PDE10A: variants seen among roughly 807,000 people sequenced by gnomAD.
The protein encoded by PDE10A is phosphodiesterase 10A.
In PDE10A, 39 loss-of-function variants were observed where a neutral mutation model predicts 97.7. The ratio of observed to expected loss-of-function variants is 0.40; its 90% CI spans 0.31 to 0.52. The LOEUF (loss-of-function observed/expected upper bound fraction) is 0.52, where lower values mean the gene tolerates loss of function less well. Among genes scored for constraint, PDE10A ranks in the 20% least tolerant of loss-of-function variants. The pLI is 0.56. For missense variants in PDE10A, 731 were observed against 1,047.8 expected (o/e 0.70, Z 4.17); for synonymous variants, 371 against 376.8 (o/e 0.98, Z 0.18).
chr6:165,726,984 C>G (rs1792314197), intron 1 of PDE10A, among the ~76,000 whole-genome samples: 1 of 152,208 alleles, frequency 6.6e-6, no homozygotes, highest in Non-Finnish European at 1.5e-5. Context: ...ACCACAGAAA[C>G]GCCCCCGTGT....
chr6:165,473,893 A>C (rs1779151183), intron 3 of PDE10A, among the ~76,000 whole-genome samples: 1 of 152,248 alleles, frequency 6.6e-6, no homozygotes, highest in African/African-American at 2.4e-5. Flanking sequence ...GTGGTTTAAC[A>C]ATTTCCACAA....
At chr6:165,594,420 C>T (rs1291307599) in intron 1 of PDE10A, among the ~76,000 whole-genome samples, 1 of 151,504 alleles carries the variant, frequency 6.6e-6, no homozygotes, top group Non-Finnish European at 1.5e-5. Flanking sequence ...ACATTAAGTA[C>T]AAAAAAGAAT....
chr6:165,385,261 T>C (rs1785225310), intron 17 of PDE10A, among the ~76,000 whole-genome samples: 1 of 151,932 alleles, frequency 6.6e-6, no homozygotes, highest in East Asian at 1.9e-4. Flanking sequence ...CATTCCTGGG[T>C]CAATGAGATT....
chr6:165,639,824 T>G (rs555207401), intron 1 of PDE10A, among the ~76,000 whole-genome samples: 1 of 151,858 alleles, frequency 6.6e-6, no homozygotes, highest in African/African-American at 2.4e-5. Context: ...TCCCAACACT[T>G]TGGGAGGCCA....
chr6:165,640,413 A>G (rs1018558139), intron 1 of PDE10A, among the ~76,000 whole-genome samples: 2 of 152,206 alleles, frequency 1.3e-5, no homozygotes, highest in Admixed American at 1.3e-4. Flanking sequence ...AAAAGTAAAA[A>G]TTTCATGTTA....
intron 1 of PDE10A, among the ~76,000 whole-genome samples, chr6:165,953,357 G>A (rs757540334): frequency 9.8e-5 from 15 of 152,286 alleles, no homozygotes; most frequent in Non-Finnish European, 1.9e-4. Flanking sequence ...TTGGGAGGCC[G>A]AGGCGGGCGA....
chr6:165,504,778 G>A lies in PDE10A; in HGVS notation c.995-22435C>T, dbSNP rs536051715. Among the ~76,000 whole-genome samples the A allele has an allele frequency of 3.3e-5, 5 of 152,294 alleles. No homozygotes were observed. The East Asian group carries it at 9.6e-4, about 29-fold the overall frequency. On this transcript the variant is annotated intron_variant, in intron 2 of 21. Transcript: ENST00000539869. ...ATAGATTAAAAGAAATATGGTGGCA[G>A]ATATCATAATTGGCTTAACATAAAT...
intron 1 of PDE10A, among the ~76,000 whole-genome samples, chr6:165,902,108 G>T (rs916780174): frequency 1.3e-5 from 2 of 152,150 alleles, no homozygotes; most frequent in African/African-American, 4.8e-5. Context: ...ATATGTATAT[G>T]CAATCTATAC....
At chr6:165,851,739 C>T (rs1780578715) in intron 1 of PDE10A, among the ~76,000 whole-genome samples, 1 of 151,984 alleles carries the variant, frequency 6.6e-6, no homozygotes, top group Non-Finnish European at 1.5e-5. Context: ...TGAACAAAAG[C>T]CTTGGGTCAG....
At chr6:165,797,218 T>G (rs548581402) in intron 1 of PDE10A, among the ~76,000 whole-genome samples, 1 of 152,316 alleles carries the variant, frequency 6.6e-6, no homozygotes, top group African/African-American at 2.4e-5. Flanking sequence ...GACATACTAC[T>G]GAGATGCTAA....
At chr6:165,379,967 G>A (rs922877946) in intron 17 of PDE10A, among the ~76,000 whole-genome samples, 2 of 152,144 alleles carry the variant, frequency 1.3e-5, no homozygotes, top group East Asian at 1.9e-4. Flanking sequence ...CTGAAGCTAC[G>A]ACAATTCTAG....
rs1179369445 is a variant in PDE10A, at chr6:165,543,585, A to G, written c.866-17T>C. 10 of 1,597,696 alleles carry G rather than the reference A, an allele frequency of 6.3e-6. No homozygotes were observed. The highest frequency in any genetic ancestry group is 8.5e-6 in the Non-Finnish European group (10 of 1,169,920). On this transcript the variant is annotated splice_polypyrimidine_tract_variant and intron_variant, in intron 1 of 21. Transcript: ENST00000539869. ...CTGTCAAACCTGTAAAAGAATTGAA[A>G]AGAATAAAATTCACCTATACAACAT...
chr6:165,617,413 C>T (rs1390826067), intron 1 of PDE10A, among the ~76,000 whole-genome samples: 1 of 152,144 alleles, frequency 6.6e-6, no homozygotes, highest in Non-Finnish European at 1.5e-5. Flanking sequence ...GGCGGGATCT[C>T]GGCTCAAGGC....
intron 1 of PDE10A, among the ~76,000 whole-genome samples, chr6:165,634,763 G>T (rs762612788): frequency 7.9e-5 from 12 of 152,164 alleles, no homozygotes; most frequent in Non-Finnish European, 1.6e-4. Context: ...GTAACCACTT[G>T]TTCTGGAAAA....
chr6:165,532,058 G>T (rs1360667477), intron 2 of PDE10A, among the ~76,000 whole-genome samples: 1 of 152,158 alleles, frequency 6.6e-6, no homozygotes, highest in Non-Finnish European at 1.5e-5. Context: ...CATATTCATT[G>T]TATCCAAACT....
chr6:165,806,560 A>G (rs1779146294), intron 1 of PDE10A, among the ~76,000 whole-genome samples: 1 of 151,842 alleles, frequency 6.6e-6, no homozygotes, highest in Admixed American at 6.6e-5. Flanking sequence ...CACTCGTGGG[A>G]TGTGCTATTC....
At chr6:165,359,032 A>G (rs139928011) in intron 18 of PDE10A, among the ~76,000 whole-genome samples, 52 of 152,150 alleles carry the variant, frequency 3.4e-4, no homozygotes, top group African/African-American at 1.1e-3. Context: ...ATATAGAACT[A>G]TAATTCTACA....
At chr6:165,878,613 T>C (rs1322200261) in intron 1 of PDE10A, among the ~76,000 whole-genome samples, 1 of 152,216 alleles carries the variant, frequency 6.6e-6, no homozygotes, top group Non-Finnish European at 1.5e-5. Flanking sequence ...GACAGAATCA[T>C]GGCTCCCCAA....
At chr6:165,607,394 A>G (rs972252878) in intron 1 of PDE10A, among the ~76,000 whole-genome samples, 5 of 152,152 alleles carry the variant, frequency 3.3e-5, no homozygotes, top group Admixed American at 1.3e-4. Flanking sequence ...AGCACAACAC[A>G]TTACCTTTTT....
Sources: allele counts gnomAD v4.1 joint callset (sites outside exome capture counted in the v4.1 genomes callset), GRCh38; gene constraint gnomAD v4.1.1; transcripts MANE v1.5; gene names NCBI Gene and HGNC (gene_info 2026-07-23, HGNC 2026-07-21).